NPFFR2: variants seen among roughly 807,000 people sequenced by gnomAD.
NPFFR2 encodes G-protein coupled receptor 74.
NPFFR2 carries 15 observed loss-of-function variants against 13.1 expected under a neutral mutation model. The ratio of observed to expected loss-of-function variants is 1.15; its 90% CI spans 0.77 to 1.76. NPFFR2 has a LOEUF of 1.76. Ranked by LOEUF, NPFFR2 falls within the 40% of genes most tolerant of loss-of-function variation. NPFFR2 has a pLI of 0.00. For missense variants in NPFFR2, 572 were observed against 503.5 expected (o/e 1.14, Z -1.30); for synonymous variants, 190 against 175.7 (o/e 1.08, Z -0.65).
At chr4:72,118,745 G>T (rs748741930) in intron 1 of NPFFR2, among the ~76,000 whole-genome samples, 2 of 152,108 alleles carry the variant, frequency 1.3e-5, no homozygotes, top group African/African-American at 4.8e-5. Context: ...CCAATTATTG[G>T]TTCAACCATG....
chr4:72,092,637 G>C (rs1355285385), intron 1 of NPFFR2, among the ~76,000 whole-genome samples: 1 of 151,926 alleles, frequency 6.6e-6, no homozygotes, highest in Non-Finnish European at 1.5e-5. Flanking sequence ...AGTTTGTTTT[G>C]TCTGGTATAG....
At chr4:72,069,493 G>T (rs1414604382) in intron 1 of NPFFR2, among the ~76,000 whole-genome samples, 1 of 152,046 alleles carries the variant, frequency 6.6e-6, no homozygotes, top group Non-Finnish European at 1.5e-5. Context: ...TCTAAAAAGT[G>T]AACTTTTAAA....
chr4:72,091,446 A>C (rs145051149), intron 1 of NPFFR2, among the ~76,000 whole-genome samples: 1 of 152,066 alleles, frequency 6.6e-6, no homozygotes, highest in Non-Finnish European at 1.5e-5. Flanking sequence ...TCAGCTGTGA[A>C]TCCATCTGGT....
chr4:72,141,972 G>A (rs955276540), intron 3 of NPFFR2, among the ~76,000 whole-genome samples: 6 of 152,080 alleles, frequency 3.9e-5, no homozygotes, highest in Admixed American at 1.3e-4. Context: ...ATTTAGGATC[G>A]TTATTTCTTA....
chr4:72,127,711 A>AC (rs1722105116), intron 1 of NPFFR2, among the ~76,000 whole-genome samples: 1 of 151,946 alleles, frequency 6.6e-6, no homozygotes, highest in South Asian at 2.1e-4. Flanking sequence ...GCTAAGTGAA[A>AC]CCAAGACAAG....
intron 1 of NPFFR2, among the ~76,000 whole-genome samples, chr4:72,099,540 G>C (rs1217434670): frequency 6.6e-6 from 1 of 152,060 alleles, no homozygotes; most frequent in Non-Finnish European, 1.5e-5. Context: ...GGCAAAGCTA[G>C]AGCAGGCATA....
chr4:72,094,061 TGG>T (rs756293876), intron 1 of NPFFR2, among the ~76,000 whole-genome samples: 39,167 of 151,028 alleles, frequency 0.26, 6,205 homozygotes, highest in Admixed American at 0.34. Context: ...TCCCTAGGGA[TGG>T]GGCTTTCTGA....
intron 1 of NPFFR2, among the ~76,000 whole-genome samples, chr4:72,055,679 C>T (rs1053332757): frequency 9.2e-5 from 14 of 151,900 alleles, no homozygotes; most frequent in Non-Finnish European, 1.5e-4. Flanking sequence ...CCTCTTGAGC[C>T]AAACAGCTAG....
chr4:72,058,129 A>G (rs564304987), intron 1 of NPFFR2, among the ~76,000 whole-genome samples: 39 of 152,110 alleles, frequency 2.6e-4, no homozygotes, highest in Admixed American at 7.9e-4. Context: ...GCGTTTTATC[A>G]GTGATAATTT....
intron 1 of NPFFR2, among the ~76,000 whole-genome samples, chr4:72,074,014 CACTTTCCAGGGTTTCACTTTCCATGGT>C (rs1184977169): frequency 1.1e-4 from 1 of 8,696 alleles, no homozygotes; most frequent in African/African-American, 3.1e-4. Context: ...CCATGGGTTT[CACTTTCCAGGGTTTCACTTTCCATGGT>C]TTCAGTTTCC....
chr4:72,068,949 CT>C, intron 1 of NPFFR2: 4 of 1,418,404 alleles, frequency 2.8e-6, no homozygotes, highest in South Asian at 1.4e-5. Context: ...TTAATTATAG[CT>C]TTTGACATAC....
At chr4:72,134,953 T>C (rs918181005) in intron 2 of NPFFR2, among the ~76,000 whole-genome samples, 6 of 152,094 alleles carry the variant, frequency 3.9e-5, no homozygotes, top group African/African-American at 7.2e-5. Context: ...TGAGAAATGG[T>C]TTATTGAGAT....
chr4:72,103,319 G>A (rs1181101896), intron 1 of NPFFR2, among the ~76,000 whole-genome samples: 1 of 152,072 alleles, frequency 6.6e-6, no homozygotes, highest in African/African-American at 2.4e-5. Context: ...GAGCCAAATG[G>A]GAGGTGTTTA....
chr4:72,119,273 G>C (rs1326170251), intron 1 of NPFFR2, among the ~76,000 whole-genome samples: 1 of 152,142 alleles, frequency 6.6e-6, no homozygotes, highest in Non-Finnish European at 1.5e-5. Context: ...GTTGTACATA[G>C]ATTGTTATTC....
At chr4:72,037,442 A>T (rs923866978) in intron 1 of NPFFR2, among the ~76,000 whole-genome samples, 5 of 151,254 alleles carry the variant, frequency 3.3e-5, no homozygotes, top group Admixed American at 6.6e-5. Flanking sequence ...TAAAGTCTCT[A>T]AATTTTCCTT....
Position 72,128,768 on chromosome 4 carries a change from C to A in NPFFR2, c.177C>A (p.Cys59Ter). ...CCTACTTTCTGATCTTCTTTTTGTG[C>A]ATGATGGGAAATACTGTGGTTTGCT... ...IISYFLIFFLCMMGNTVVCFI... is the reference protein window; with the variant it reads ...IISYFLIFFL The change falls in exon 2 of 4, where the codon TGC (cysteine) becomes TGA (stop). Residue 59 changes from cysteine to a stop codon, truncating the protein, a stop_gained. Transcript: ENST00000308744. LOFTEE classifies it high-confidence loss of function. 3 of 1,614,096 alleles carry A rather than the reference C, an allele frequency of 1.9e-6. No individual in the cohort carries two copies. Among genetic ancestry groups the A allele is most frequent in the Non-Finnish European group, 2.5e-6 (3 of 1,179,980 alleles).
At position 72,070,560 on chromosome 4, in the gene NPFFR2, TGGGGGGG is replaced by T. The variant is rs748172308; in HGVS notation, c.-8+38366_-8+38372del. On this transcript the variant is annotated intron_variant, in intron 1 of 3. Coordinates refer to ENST00000308744, the MANE Select transcript of NPFFR2 (RefSeq NM_004885.3). ...GAAGTATCGTGTGTGTGTGTGTGTG[TGGGGGGG>T]GGGGGTGGGGCTCTGGTGGCCTTTG... is the stretch of plus-strand genomic sequence containing the variant. Among the ~76,000 whole-genome samples the T allele has an allele frequency of 7.7e-4, 8 of 10,392 alleles. No individual in the cohort carries two copies. In the South Asian group the frequency reaches 0.021, roughly 27 times the overall value. 6.8% of individuals were successfully genotyped at this position (10,392 alleles called of 152,430 possible).
intron 1 of NPFFR2, among the ~76,000 whole-genome samples, chr4:72,079,087 C>CACACACACACACACACAT (rs1553890218): frequency 9.3e-4 from 133 of 143,328 alleles, no homozygotes; most frequent in African/African-American, 3.3e-3. Context: ...CACACACACA[C>CACACACACACACACACAT]ATCTGTTGAA....
At chr4:72,033,493 T>C (rs1461650499) in intron 1 of NPFFR2, among the ~76,000 whole-genome samples, 1 of 152,038 alleles carries the variant, frequency 6.6e-6, no homozygotes, top group Middle Eastern at 3.2e-3. Context: ...ATGTTACTCA[T>C]ATATCATTAT....
Sources: allele counts gnomAD v4.1 joint callset (sites outside exome capture counted in the v4.1 genomes callset), GRCh38; gene constraint gnomAD v4.1.1; transcripts MANE v1.5; gene names NCBI Gene and HGNC (gene_info 2026-07-23, HGNC 2026-07-21).